The following WNK1 variants were observed in gnomAD, a reference collection of about 807,000 sequenced individuals.
WNK1 encodes the protein WNK lysine deficient protein kinase 1.
Under a neutral mutation model 222.8 loss-of-function variants are expected in WNK1, and 38 were observed. The ratio of observed to expected loss-of-function variants is 0.17; its 90% confidence interval spans 0.13 to 0.22. WNK1 has a LOEUF of 0.22. Among genes scored for constraint, WNK1 ranks in the 10% least tolerant of loss-of-function variants. WNK1 has a pLI of 1.00. For missense variants in WNK1, 2,348 were observed against 2,918.4 expected (o/e 0.80, Z 4.50); for synonymous variants, 1,090 against 1,092.9 (o/e 1.00, Z 0.05).
chr12:856,619 A>G lies in WNK1; in HGVS notation c.1312-542A>G, dbSNP rs577234906. 7.4e-4 allele frequency among the ~76,000 whole-genome samples: 113 copies of G among 152,232 alleles called. 3 individuals are homozygous for G. In the South Asian group the frequency reaches 0.022, roughly 30 times the overall value. ...GTATGGGTCCAATATATTACTTTTC[A>G]TTGTGTTTTATTTGTGCAGGACAAT... On this transcript the variant is annotated intron_variant, in intron 4 of 27. Coordinates refer to ENST00000315939, the MANE Select transcript of WNK1 (RefSeq NM_018979.4).
At chr12:868,494 G>A in intron 8 of WNK1, 1 of 1,613,976 alleles carries the variant, frequency 6.2e-7, no homozygotes, top group Non-Finnish European at 8.5e-7. Context: ...TTGGGTCCGG[G>A]ATCTCCCCTC....
chr12:835,180 G>A (rs1194678587), intron 4 of WNK1, among the ~76,000 whole-genome samples: 2 of 152,206 alleles, frequency 1.3e-5, no homozygotes, highest in South Asian at 2.1e-4. Context: ...TTAGTTGGCC[G>A]TGGTGGTGCA....
intron 22 of WNK1, 129 bp from the exon 23 acceptor site, chr12:894,433 A>G (rs989090044): frequency 6.2e-5 from 48 of 768,464 alleles, no homozygotes; most frequent in Admixed American, 3.3e-4. Context: ...GGAGGAGATA[A>G]GGAAGTTCTC....
At chr12:755,692 C>T (rs1939908086) in intron 1 of WNK1, among the ~76,000 whole-genome samples, 1 of 151,862 alleles carries the variant, frequency 6.6e-6, no homozygotes, top group Non-Finnish European at 1.5e-5. Context: ...AAAACTTAGT[C>T]TGGGCCAGGC....
chr12:877,942 A>G lies in WNK1; in HGVS notation c.2224-270A>G, dbSNP rs988224626. 24 of 472,664 alleles carry G rather than the reference A, an allele frequency of 5.1e-5. No individual in the cohort carries two copies. The East Asian group carries it at 6.3e-4, about 12-fold the overall frequency. The allele number at this position is 472,664 out of a possible 1,614,324, so 29.3% of individuals were successfully genotyped here. A position where few individuals can be genotyped will look rare whatever the true frequency, so the allele number is the denominator to read the frequency against. On this transcript the variant is annotated intron_variant, in intron 9 of 27. Transcript: ENST00000315939. ...TATGTAAATGTCTTTGTAAAGACCT[A>G]TTGTTGGGGTGAGGGAGATAATTGG...
At chr12:768,349 T>C (rs1229859515) in intron 1 of WNK1, among the ~76,000 whole-genome samples, 1 of 152,152 alleles carries the variant, frequency 6.6e-6, no homozygotes, top group Non-Finnish European at 1.5e-5. Flanking sequence ...TTGGCCAGGC[T>C]GGCCTAGAAC....
Position 758,616 on chromosome 12 carries a change from T to A in WNK1, c.759+4292T>A, listed in dbSNP as rs1940572253. Among the ~76,000 whole-genome samples the A allele has an allele frequency of 5.4e-5, 8 of 146,912 alleles. 1 individual carries two copies. In the South Asian group the frequency reaches 1.8e-3, roughly 33 times the overall value. On this transcript the variant is annotated intron_variant, in intron 1 of 27. Transcript: ENST00000315939. ...GTTAGCCAGGATGGTCTGCTATAGT[T>A]CTTAAAATATCTAATTGAACTGAAT... is the stretch of plus-strand genomic sequence containing the variant.
intron 21 of WNK1, among the ~76,000 whole-genome samples, chr12:889,687 G>A (rs1431696494): frequency 6.6e-6 from 1 of 151,976 alleles, no homozygotes. Context: ...GTGTGGTGGT[G>A]CACGCCTGTA....
At chr12:847,801 CTTTTTTTTTTT>C (rs898832948) in intron 4 of WNK1, among the ~76,000 whole-genome samples, 9 of 68,648 alleles carry the variant, frequency 1.3e-4, no homozygotes, top group East Asian at 4.6e-4. Context: ...GATTAATTCT[CTTTTTTTTTTT>C]TTTTTTTTTT....
chr12:865,333 G>A lies in WNK1; in HGVS notation c.2139+3063G>A, dbSNP rs762594801. ...TCTGCCTCTCAGCGCAAGCACCGAC[G>A]CTCCAGCCTGCCTTCCCTCTTTGTC... On this transcript the variant is annotated intron_variant, in intron 8 of 27. Coordinates refer to ENST00000315939, the MANE Select transcript of WNK1 (RefSeq NM_018979.4). 7.6e-5 allele frequency: 116 copies of A among 1,535,962 alleles called. 1 individual carries two copies. Among genetic ancestry groups the A allele is most frequent in the Admixed American group, 1.6e-4 (8 of 50,984 alleles).
At chr12:779,397 G>GTTTTTTTTTTTCTTTT (rs1943447378) in intron 1 of WNK1, among the ~76,000 whole-genome samples, 4 of 124,272 alleles carry the variant, frequency 3.2e-5, no homozygotes, top group Non-Finnish European at 6.8e-5. Context: ...TTTCTTTTCT[G>GTTTTTTTTTTTCTTTT]TTTTTTTTTT....
At chr12:900,882 G>A (rs919917602) in intron 26 of WNK1, 1 of 641,508 alleles carries the variant, frequency 1.6e-6, no homozygotes, top group Admixed American at 2.3e-5. Flanking sequence ...TTTTTTCAAG[G>A]AATTACAGTG....
intron 2 of WNK1, among the ~76,000 whole-genome samples, chr12:822,501 C>T (rs182486449): frequency 3.0e-4 from 46 of 152,038 alleles, no homozygotes; most frequent in Non-Finnish European, 5.7e-4. Flanking sequence ...ATACCATTTT[C>T]ATTCCTTTCT....
chr12:754,645 GCTT>G (rs761557236), intron 1 of WNK1, among the ~76,000 whole-genome samples: 56 of 152,266 alleles, frequency 3.7e-4, no homozygotes, highest in South Asian at 1.2e-3. Flanking sequence ...AAGTACAGAT[GCTT>G]CTTCTTCTGT....
At chr12:859,211 T>C in intron 5 of WNK1, 34 bp from the exon 6 acceptor site, 1 of 1,552,922 alleles carries the variant, frequency 6.4e-7, no homozygotes, top group Non-Finnish European at 8.9e-7. Flanking sequence ...TGGTGTTTTA[T>C]TTTTGTTCCT....
chr12:857,329 C>A, intron 5 of WNK1, 80 bp downstream of exon 5: 1 of 1,214,706 alleles, frequency 8.2e-7, no homozygotes, highest in Non-Finnish European at 1.2e-6. Flanking sequence ...ACACATTCTA[C>A]GGTGTATTTA....
chr12:880,631 CT>C, intron 11 of WNK1, 89 bp from the exon 12 acceptor site: 2 of 1,258,386 alleles, frequency 1.6e-6, no homozygotes, highest in Non-Finnish European at 2.3e-6. Flanking sequence ...TTGCTGTGTG[CT>C]TCTTTTTTTT....
chr12:897,294 A>G (rs1954837992), intron 24 of WNK1, among the ~76,000 whole-genome samples, 185 bp from the exon 25 acceptor site: 1 of 152,168 alleles, frequency 6.6e-6, no homozygotes, highest in Non-Finnish European at 1.5e-5. Flanking sequence ...TTGTTGGAAC[A>G]TGGCTTGGGT....
At chr12:851,068 G>A (rs1950383999) in intron 4 of WNK1, among the ~76,000 whole-genome samples, 1 of 152,178 alleles carries the variant, frequency 6.6e-6, no homozygotes, top group Non-Finnish European at 1.5e-5. Context: ...GGTGAACAGA[G>A]GAACTATTAT....
Sources: allele counts gnomAD v4.1 joint callset (sites outside exome capture counted in the v4.1 genomes callset), GRCh38; gene constraint gnomAD v4.1.1; transcripts MANE v1.5; gene names NCBI Gene and HGNC (gene_info 2026-07-23, HGNC 2026-07-21).